The following INSL6 variants were observed in gnomAD, a reference collection of about 807,000 sequenced individuals.
INSL6 encodes insulin like 6.
Under a neutral mutation model 9.4 loss-of-function variants are expected in INSL6, and 16 were observed. The observed-to-expected ratio is 1.70, with a 90% CI of 1.15 to 2.59. The LOEUF (loss-of-function observed/expected upper bound fraction) is 2.59. Ranked by LOEUF, INSL6 falls within the 30% of genes most tolerant of loss-of-function variation. The pLI is 0.00. For missense variants in INSL6, 391 were observed against 257.3 expected (o/e 1.52, Z -3.56); for synonymous variants, 154 against 96.9 (o/e 1.59, Z -3.46).
At chr9:5,006,229 C>G in the INSL6 span, among the ~76,000 whole-genome samples, 2 of 152,042 alleles carry the variant, frequency 1.3e-5, no homozygotes, top group Non-Finnish European at 2.9e-5. Flanking sequence ...AAGTTGGATT[C>G]CTAGGTATTT....
chr9:5,046,985 A>G, the INSL6 span, among the ~76,000 whole-genome samples: 1 of 152,168 alleles, frequency 6.6e-6, no homozygotes, highest in African/African-American at 2.4e-5. Context: ...TGATCTAGAA[A>G]AATTTTGGGT....
the INSL6 span, among the ~76,000 whole-genome samples, chr9:4,996,299 A>G: frequency 6.6e-6 from 1 of 152,134 alleles, no homozygotes; most frequent in African/African-American, 2.4e-5. Context: ...ATACAAAAAA[A>G]TAGCCAGGTG....
At chr9:5,173,886 C>G (rs1438568749) in intron 1 of INSL6, among the ~76,000 whole-genome samples, 1 of 152,132 alleles carries the variant, frequency 6.6e-6, no homozygotes, top group East Asian at 1.9e-4. Flanking sequence ...TCCTCAATCA[C>G]AGCTGGATTT....
chr9:5,023,745 T>C, the INSL6 span, among the ~76,000 whole-genome samples: 1 of 152,200 alleles, frequency 6.6e-6, no homozygotes, highest in East Asian at 1.9e-4. Flanking sequence ...TGTGATTATA[T>C]ACTCATGGTT....
chr9:5,118,630 A>G, the INSL6 span, among the ~76,000 whole-genome samples: 1 of 152,216 alleles, frequency 6.6e-6, no homozygotes, highest in Non-Finnish European at 1.5e-5. Flanking sequence ...TTAAGCATAA[A>G]TTCTGTGTTC....
At chr9:5,001,426 C>G in the INSL6 span, among the ~76,000 whole-genome samples, 3 of 151,946 alleles carry the variant, frequency 2.0e-5, no homozygotes, top group Non-Finnish European at 4.4e-5. Context: ...AATGCTTTTC[C>G]TGCAACAATT....
the INSL6 span, chr9:5,111,653 C>T: frequency 1.0e-5 from 4 of 395,676 alleles, no homozygotes; most frequent in Non-Finnish European, 2.0e-5. Context: ...CCCCTCGTCC[C>T]TCCCGCCCAG....
chr9:5,160,993 C>T (rs1162437537), downstream of INSL6, among the ~76,000 whole-genome samples: 1 of 152,082 alleles, frequency 6.6e-6, no homozygotes, highest in African/African-American at 2.4e-5. Flanking sequence ...AGTTTCACTG[C>T]TGATTTTAAC....
At chr9:5,141,133 C>T (rs1824488659) in intron 2 of INSL6, among the ~76,000 whole-genome samples, 1 of 152,102 alleles carries the variant, frequency 6.6e-6, no homozygotes, top group Admixed American at 6.6e-5. Context: ...AGGTTGATTC[C>T]ATGACTTTGC....
the INSL6 span, among the ~76,000 whole-genome samples, chr9:5,073,168 C>G: frequency 2.0e-5 from 3 of 152,206 alleles, no homozygotes; most frequent in South Asian, 4.1e-4. Flanking sequence ...AAGAGTTGTT[C>G]TAATCCAGAA....
chr9:5,185,383 C>T lies in INSL6; in HGVS notation c.220G>A (p.Ala74Thr). The change falls in exon 1 of 2, where the codon GCC (alanine) becomes ACC (threonine). Residue 74 changes from alanine (A) to threonine (T), a missense_variant. Transcript: ENST00000381641. ...LIAQASEKVE[A>T]YSPYQFESPQ... ...CTTTCGAACTGGTATGGGCTGTAGG[C>T]TTCGACCTTCTCCGAGGCCTGTGCA... 1 of 1,614,134 alleles carries T rather than the reference C, an allele frequency of 6.2e-7. No individual in the cohort carries two copies. Among genetic ancestry groups the T allele is most frequent in the Non-Finnish European group, 8.5e-7 (1 of 1,180,016 alleles).
intron 2 of INSL6, among the ~76,000 whole-genome samples, chr9:5,156,473 A>C (rs1306916399): frequency 1.3e-5 from 2 of 152,226 alleles, no homozygotes; most frequent in African/African-American, 4.8e-5. Flanking sequence ...AATAAAGAAG[A>C]AAGCCCCCTA....
chr9:5,163,826 A>G (rs1277233446), downstream of INSL6: 1 of 839,242 alleles, frequency 1.2e-6, no homozygotes, highest in South Asian at 1.6e-5. Context: ...TTTTCACATC[A>G]TATCACTTAT....
intron 1 of INSL6, among the ~76,000 whole-genome samples, chr9:5,169,084 G>A (rs1486833454): frequency 2.0e-5 from 3 of 152,030 alleles, no homozygotes; most frequent in Non-Finnish European, 2.9e-5. Flanking sequence ...GCGCCACCAT[G>A]CCCGGCTAAT....
intron 2 of INSL6, among the ~76,000 whole-genome samples, chr9:5,148,845 G>A (rs1279371857): frequency 6.6e-6 from 1 of 152,222 alleles, no homozygotes; most frequent in Admixed American, 6.5e-5. Flanking sequence ...CAAGGCACCA[G>A]GCTGTGCATC....
the INSL6 span, among the ~76,000 whole-genome samples, chr9:5,078,706 C>G: frequency 6.6e-6 from 1 of 152,004 alleles, no homozygotes; most frequent in African/African-American, 2.4e-5. Flanking sequence ...AGGATTTTAT[C>G]CATTTTTAGT....
intron 2 of INSL6, among the ~76,000 whole-genome samples, chr9:5,150,911 A>G (rs1183527577): frequency 6.6e-6 from 1 of 151,990 alleles, no homozygotes; most frequent in African/African-American, 2.4e-5. Context: ...CATAAAAAGA[A>G]TAAAATGTAT....
chr9:5,122,580 C>G (rs1182477781), downstream of INSL6, among the ~76,000 whole-genome samples: 2 of 152,032 alleles, frequency 1.3e-5, no homozygotes, highest in African/African-American at 4.8e-5. Context: ...CAGAGATTCC[C>G]AAGACCATCC....
At chr9:5,138,468 A>T (rs917837800) in intron 2 of INSL6, among the ~76,000 whole-genome samples, 7 of 152,318 alleles carry the variant, frequency 4.6e-5, no homozygotes, top group Admixed American at 4.6e-4. Context: ...CATTCTCAGC[A>T]AACTAACACA....
Sources: gnomAD v4.1 joint callset for allele counts (sites outside exome capture counted in the v4.1 genomes callset) on GRCh38, gnomAD v4.1.1 for gene constraint, MANE v1.5 for transcripts, NCBI Gene and HGNC (gene_info 2026-07-23, HGNC 2026-07-21) for gene names.